SPATA31H1: variants seen among roughly 807,000 people sequenced by gnomAD.
The protein encoded by SPATA31H1 is spermatogenesis-associated protein 31H1.
At chr2:27,539,148 T>G in the SPATA31H1 span, among the ~76,000 whole-genome samples, 57 of 144,856 alleles carry the variant, frequency 3.9e-4, no homozygotes, top group African/African-American at 1.4e-3. Flanking sequence ...CTTGGGTGTT[T>G]CTCGCAGAGG....
chr2:27,577,283 GCT>G, the SPATA31H1 span: 3 of 1,614,032 alleles, frequency 1.9e-6, no homozygotes, highest in Non-Finnish European at 2.5e-6. The surrounding 1 kb of genome is among the most constrained non-coding windows in gnomAD (Gnocchi z 4.5). Flanking sequence ...CTATGGAATT[GCT>G]CTCTCAGTCA....
chr2:27,549,390 G>A, the SPATA31H1 span, among the ~76,000 whole-genome samples: 1 of 151,634 alleles, frequency 6.6e-6, no homozygotes, highest in African/African-American at 2.4e-5. Flanking sequence ...CCAGGCTGAA[G>A]TGCAGTGGCA....
the SPATA31H1 span, among the ~76,000 whole-genome samples, chr2:27,543,898 G>A: frequency 9.9e-4 from 151 of 151,930 alleles, 2 homozygotes; most frequent in African/African-American, 3.4e-3. Context: ...CCTCTGGCAC[G>A]TTTCAGCTTA....
chr2:27,567,874 T>A, the SPATA31H1 span: 1 of 398,926 alleles, frequency 2.5e-6, no homozygotes, highest in Non-Finnish European at 4.4e-6. Flanking sequence ...ATGGATTCAA[T>A]GGGGATGATC....
the SPATA31H1 span, among the ~76,000 whole-genome samples, chr2:27,543,071 G>A: frequency 1.3e-5 from 2 of 151,890 alleles, no homozygotes; most frequent in East Asian, 1.9e-4. Flanking sequence ...GCACTCCAGC[G>A]TGGATGACAG....
At chr2:27,553,858 G>A in the SPATA31H1 span, among the ~76,000 whole-genome samples, 6 of 151,852 alleles carry the variant, frequency 4.0e-5, no homozygotes, top group Admixed American at 3.9e-4. Context: ...GGAGGCGGAG[G>A]TTGCAGTGAG....
the SPATA31H1 span, chr2:27,580,732 G>A: frequency 1.9e-6 from 3 of 1,614,168 alleles, no homozygotes; most frequent in East Asian, 4.5e-5. Flanking sequence ...TTGTGGGCAA[G>A]CAAAAACTAT....
the SPATA31H1 span, chr2:27,580,275 G>A: frequency 1.9e-6 from 3 of 1,614,016 alleles, no homozygotes; most frequent in African/African-American, 1.3e-5. Flanking sequence ...CATCAGGCGA[G>A]GACAACGCAG....
the SPATA31H1 span, chr2:27,570,762 C>G: frequency 2.5e-6 from 1 of 398,924 alleles, no homozygotes. Context: ...AGGGGTTAAG[C>G]CTGAGTTGTT....
At chr2:27,544,470 T>C in the SPATA31H1 span, among the ~76,000 whole-genome samples, 1 of 151,948 alleles carries the variant, frequency 6.6e-6, no homozygotes, top group African/African-American at 2.4e-5. Flanking sequence ...CATATATTCT[T>C]GTGTGTCTGA....
chr2:27,577,991 A>C, the SPATA31H1 span: 1 of 1,614,152 alleles, frequency 6.2e-7, no homozygotes, highest in South Asian at 1.1e-5. The surrounding 1 kb of genome is among the most constrained non-coding windows in gnomAD (Gnocchi z 4.5). Context: ...GAATTGTAGA[A>C]TTTATGAGGA....
the SPATA31H1 span, among the ~76,000 whole-genome samples, chr2:27,564,629 CA>C: frequency 6.6e-6 from 1 of 151,738 alleles, no homozygotes; most frequent in Non-Finnish European, 1.5e-5. Context: ...CCAGCCTGGC[CA>C]ATGTGGCAAA....
chr2:27,550,917 TCTCA>T, the SPATA31H1 span, among the ~76,000 whole-genome samples: 1 of 151,376 alleles, frequency 6.6e-6, no homozygotes, highest in African/African-American at 2.4e-5. Flanking sequence ...TGAGATGGAG[TCTCA>T]CTCTGTCACC....
the SPATA31H1 span, chr2:27,580,365 A>AGT: frequency 2.5e-6 from 4 of 1,614,090 alleles, no homozygotes; most frequent in Non-Finnish European, 2.5e-6. Flanking sequence ...CCTACCAGAG[A>AGT]GTGACTCTGA....
the SPATA31H1 span, among the ~76,000 whole-genome samples, chr2:27,544,705 T>C: frequency 2.0e-5 from 3 of 151,596 alleles, no homozygotes; most frequent in African/African-American, 7.3e-5. Context: ...TGGCTAACTT[T>C]TGTATTTTTA....
chr2:27,559,938 G>C, the SPATA31H1 span, among the ~76,000 whole-genome samples: 1 of 151,894 alleles, frequency 6.6e-6, no homozygotes, highest in Admixed American at 6.6e-5. Context: ...CGTGATCTCA[G>C]CTCACTGCAA....
the SPATA31H1 span, chr2:27,566,066 C>T: frequency 1.5e-5 from 11 of 717,386 alleles, no homozygotes; most frequent in African/African-American, 3.5e-5. Context: ...AAGAAAACCT[C>T]AGGATGGCTT....
chr2:27,566,366 G>C, the SPATA31H1 span: 1 of 717,348 alleles, frequency 1.4e-6, no homozygotes, highest in African/African-American at 1.7e-5. Context: ...CAGATCTTCC[G>C]ATACCTAGAA....
the SPATA31H1 span, among the ~76,000 whole-genome samples, chr2:27,549,538 G>T: frequency 6.6e-6 from 1 of 151,720 alleles, no homozygotes; most frequent in African/African-American, 2.4e-5. Context: ...GCCAGGTGTG[G>T]TGGCTCACAC....
Sources: gnomAD v4.1 joint callset for allele counts (sites outside exome capture counted in the v4.1 genomes callset) on GRCh38, gnomAD v4.1.1 for gene constraint, Gnocchi (gnomAD v3.1) non-coding constraint, MANE v1.5 for transcripts, NCBI Gene and HGNC (gene_info 2026-07-23, HGNC 2026-07-21) for gene names.